KLF7: variants seen among roughly 807,000 people sequenced by gnomAD.
KLF7 encodes the protein KLF transcription factor 7.
KLF7 carries 2 observed loss-of-function variants against 27.3 expected under a neutral mutation model. That is an observed-to-expected ratio of 0.07 (90% CI 0.03 to 0.23). The LOEUF (loss-of-function observed/expected upper bound fraction) is 0.23, where lower values mean the gene tolerates loss of function less well. Among genes scored for constraint, KLF7 ranks in the 10% least tolerant of loss-of-function variants. The pLI is 1.00. For missense variants in KLF7, 221 were observed against 394.1 expected, an observed-to-expected ratio of 0.56 and a Z score of 3.72; for synonymous variants, 165 against 162.4, an observed-to-expected ratio of 1.02 and a Z score of -0.12.
chr2:207,081,852 C>CAAAAAA (rs35500565), intron 3 of KLF7, among the ~76,000 whole-genome samples: 1 of 107,726 alleles, frequency 9.3e-6, no homozygotes. Flanking sequence ...ATATTCAAGT[C>CAAAAAA]AAAAAAAAAA....
chr2:207,151,738 A>G (rs2078253141), intron 1 of KLF7, among the ~76,000 whole-genome samples: 1 of 151,906 alleles, frequency 6.6e-6, no homozygotes. Flanking sequence ...ACACACACAC[A>G]CACACACACA....
chr2:207,145,715 A>C (rs2078079081), intron 1 of KLF7, among the ~76,000 whole-genome samples: 1 of 152,182 alleles, frequency 6.6e-6, no homozygotes, highest in Non-Finnish European at 1.5e-5. Flanking sequence ...ATCACAATTT[A>C]AACTTCTGTG....
At position 207,144,166 on chromosome 2, in the gene KLF7, G is replaced by A. The variant is rs200968536; in HGVS notation, c.103-19762C>T. On this transcript the variant is annotated intron_variant, in intron 1 of 3. Transcript: ENST00000309446. The stretch of plus-strand genomic sequence containing the variant: ...GTCTAGGAGTCGTCACAGCGGGGGG[G>A]AGAAAAAAAAAAAAAAGCATAGCTA... Among the ~76,000 whole-genome samples the A allele has an allele frequency of 3.2e-3, 162 of 50,402 alleles. 4 individuals are homozygous for A. The highest frequency in any genetic ancestry group is 9.4e-3 in the Middle Eastern group (1 of 106). 33.1% of individuals were successfully genotyped at this position (50,402 alleles called of 152,430 possible).
chr2:207,167,054 A>T, upstream of KLF7: 2 of 1,176,270 alleles, frequency 1.7e-6, no homozygotes, highest in Admixed American at 4.0e-5. Context: ...ACTGTGCGTT[A>T]AAGAGGCTAG....
chr2:207,088,662 T>G (rs2105871699), intron 2 of KLF7, 81 bp from the exon 3 acceptor site: 1 of 1,498,176 alleles, frequency 6.7e-7, no homozygotes, highest in East Asian at 2.3e-5. Flanking sequence ...TGCCTGCTGG[T>G]CAGGCTTGGG....
intron 2 of KLF7, among the ~76,000 whole-genome samples, chr2:207,110,405 G>A (rs2077002390): frequency 6.6e-6 from 1 of 152,196 alleles, no homozygotes; most frequent in African/African-American, 2.4e-5. Context: ...TTTTGGTAAC[G>A]AGGAAGCAAC....
chr2:207,172,084 A>T (rs542663448), upstream of KLF7, among the ~76,000 whole-genome samples: 24 of 152,294 alleles, frequency 1.6e-4, no homozygotes, highest in African/African-American at 5.5e-4. Flanking sequence ...TGGGAGAGCC[A>T]CTAAAGCAGG....
At chr2:207,168,557 C>CA (rs1370429913), upstream of KLF7, among the ~76,000 whole-genome samples, 1 of 152,168 alleles carries the variant, frequency 6.6e-6, no homozygotes, top group African/African-American at 2.4e-5. Flanking sequence ...AGCTTTAAGT[C>CA]AGTGTGTGTT....
chr2:207,118,362 C>T (rs2077245546), intron 2 of KLF7, among the ~76,000 whole-genome samples: 1 of 152,110 alleles, frequency 6.6e-6, no homozygotes, highest in Non-Finnish European at 1.5e-5. Context: ...TTTGTAATTT[C>T]CTTGTACTGC....
chr2:207,165,437 C>T (rs1298632516), intron 1 of KLF7, 30 bp downstream of exon 1: 2 of 1,613,642 alleles, frequency 1.2e-6, no homozygotes, highest in East Asian at 4.5e-5. Flanking sequence ...CGCCACCACA[C>T]GATTTACACA....
chr2:207,134,980 A>G (rs1016425429), intron 1 of KLF7, among the ~76,000 whole-genome samples: 1 of 152,234 alleles, frequency 6.6e-6, no homozygotes, highest in Non-Finnish European at 1.5e-5. Context: ...ATTTTTCATT[A>G]CACTTCCAGA....
intron 2 of KLF7, among the ~76,000 whole-genome samples, chr2:207,106,770 T>C (rs1254284787): frequency 6.6e-6 from 1 of 152,076 alleles, no homozygotes; most frequent in East Asian, 1.9e-4. Context: ...TCGGAAATGA[T>C]GGTAATGGAT....
chr2:207,146,687 A>G (rs766717841), intron 1 of KLF7, among the ~76,000 whole-genome samples: 8 of 152,174 alleles, frequency 5.3e-5, no homozygotes, highest in Admixed American at 3.9e-4. Context: ...ATTCCTGCTC[A>G]AGAGAGAAAG....
chr2:207,106,656 A>G (rs2076891318), intron 2 of KLF7, among the ~76,000 whole-genome samples: 1 of 152,130 alleles, frequency 6.6e-6, no homozygotes, highest in African/African-American at 2.4e-5. Context: ...TGCTCTGGGG[A>G]CTTTGGAACT....
intron 2 of KLF7, among the ~76,000 whole-genome samples, chr2:207,110,925 A>G (rs551271455): frequency 6.6e-6 from 1 of 152,262 alleles, no homozygotes; most frequent in East Asian, 1.9e-4. Flanking sequence ...GGGTTTCTCA[A>G]CCTTGGCACT....
Position 207,124,128 on chromosome 2 carries a change from G to C in KLF7, c.379C>G (p.Gln127Glu). 6.2e-7 allele frequency: 1 copy of C among 1,614,194 alleles called. No individual in the cohort carries two copies. The highest frequency in any genetic ancestry group is 8.5e-7 in the Non-Finnish European group (1 of 1,180,042). Residue 127 changes from glutamine (Q) to glutamate (E), a missense_variant, in exon 2 of 4, where the codon CAG becomes GAG. Around this residue, in one of 3 missense-constraint regions of KLF7, gnomAD observed 180 missense variants for 227.9 expected, o/e 0.79. Transcript: ENST00000309446. ...GAGGTCACTGCGTTGAGCTGGGCCT[G>C]GTTGACGGCTGTGTAGCTGTCTAGA... ...SSLDSYTAVNQAQLNAVTSLT... is the reference protein window; with the variant it reads ...SSLDSYTAVNEAQLNAVTSLT...
At chr2:207,087,743 C>G (rs2076423705) in intron 3 of KLF7, among the ~76,000 whole-genome samples, 1 of 152,162 alleles carries the variant, frequency 6.6e-6, no homozygotes, top group Non-Finnish European at 1.5e-5. Flanking sequence ...TTCACCTTGG[C>G]CTGCAGAGTC....
At chr2:207,163,230 C>G (rs1489124575) in intron 1 of KLF7, among the ~76,000 whole-genome samples, 1 of 152,226 alleles carries the variant, frequency 6.6e-6, no homozygotes, top group Non-Finnish European at 1.5e-5. Context: ...TGCTTCCCCA[C>G]AAGCTATGCA....
chr2:207,163,200 A>G (rs375424059), intron 1 of KLF7, among the ~76,000 whole-genome samples: 1 of 152,180 alleles, frequency 6.6e-6, no homozygotes, highest in Non-Finnish European at 1.5e-5. Flanking sequence ...AGCTCACTGG[A>G]GTGATATATT....
Sources: allele counts gnomAD v4.1 joint callset (sites outside exome capture counted in the v4.1 genomes callset), GRCh38; gene constraint gnomAD v4.1.1; regional missense constraint gnomAD v4.1.1; transcripts MANE v1.5; gene names NCBI Gene and HGNC (gene_info 2026-07-23, HGNC 2026-07-21).